DCP1B: variants seen among roughly 807,000 people sequenced by gnomAD.
DCP1B encodes the protein decapping mRNA 1B, also known as mRNA-decapping enzyme 1B.
In DCP1B, 47 loss-of-function variants were observed where a neutral mutation model predicts 60.5. That is an observed-to-expected ratio of 0.78 (90% confidence interval 0.61 to 0.99). The LOEUF is 0.99. Among genes scored for constraint, DCP1B ranks in the 50% least tolerant of loss-of-function variants. The pLI, the probability that DCP1B is intolerant of heterozygous loss-of-function variation, is 0.00. For missense variants in DCP1B, 725 were observed against 756.8 expected, an observed-to-expected ratio of 0.96 and a Z score of 0.49; for synonymous variants, 267 against 280.3, an observed-to-expected ratio of 0.95 and a Z score of 0.47.
intron 5 of DCP1B, among the ~76,000 whole-genome samples, chr12:1,958,825 A>G (rs1384819854): frequency 8.8e-5 from 7 of 79,934 alleles, no homozygotes; most frequent in Admixed American, 1.2e-4. Flanking sequence ...CCTGGAAGGA[A>G]ACAGGGGAAA....
In DCP1B at chr12:1,967,783, C is replaced by T. The variant is rs1042391167; in HGVS notation, c.386+61G>A. On this transcript the variant is annotated intron_variant, in intron 4 of 8. Coordinates refer to ENST00000280665, the MANE Select transcript of DCP1B (RefSeq NM_152640.5). ...GTTAAGACTGTAGTATAGTTACACA[C>T]ACTTAGAAATACAAACAAAAGCACC... 17 of 1,422,062 alleles carry T rather than the reference C, an allele frequency of 1.2e-5. No individual in the cohort carries two copies. The African/African-American group carries it at 1.6e-4, about 13-fold the overall frequency. 88.1% of individuals were successfully genotyped at this position (1,422,062 alleles called of 1,614,324 possible).
chr12:1,969,650 G>A (rs2031738727), intron 3 of DCP1B, among the ~76,000 whole-genome samples: 1 of 149,076 alleles, frequency 6.7e-6, no homozygotes, highest in Non-Finnish European at 1.5e-5. Context: ...CATTGAATGT[G>A]TATCTTGAAA....
chr12:1,971,228 A>C lies in DCP1B; in HGVS notation c.320-3318T>G. The stretch of plus-strand genomic sequence containing the variant: ...TAAGAAACCCTAAAGTGAAATAAAG[A>C]GTAGGAAGAACATGTTGAAATTTAC... On this transcript the variant is annotated intron_variant, in intron 3 of 8. Coordinates refer to ENST00000280665, the MANE Select transcript of DCP1B (RefSeq NM_152640.5). This position sits in a 1 kb window ranked among gnomAD's most constrained non-coding sequence, Gnocchi z 4.2. 2.4e-6 allele frequency: 3 copies of C among 1,242,764 alleles called. No homozygotes were observed. Among genetic ancestry groups the C allele is most frequent in the Non-Finnish European group, 3.2e-6 (3 of 947,502 alleles). The allele number at this position is 1,242,764 out of a possible 1,614,324, so 77.0% of individuals were successfully genotyped here. A position where few individuals can be genotyped will look rare whatever the true frequency, so the allele number is the denominator to read the frequency against.
chr12:1,944,184 T>C (rs141185280), downstream of DCP1B, among the ~76,000 whole-genome samples: 44 of 152,260 alleles, frequency 2.9e-4, no homozygotes, highest in East Asian at 6.8e-3. Context: ...CCATTCACAA[T>C]TGCTACAAAG....
In DCP1B at chr12:1,948,979, A is replaced by T; in HGVS notation, c.1773+107T>A. ...GGATGAGTTGTTACACACACCTGTT[A>T]TTCTCACGGAAGCTAAGCAGGCCTT... On this transcript the variant is annotated intron_variant, in intron 8 of 8. Coordinates refer to ENST00000280665, the MANE Select transcript of DCP1B (RefSeq NM_152640.5). This position sits in a 1 kb window ranked among gnomAD's most constrained non-coding sequence, Gnocchi z 4.8. 4 of 1,431,504 alleles carry T rather than the reference A, an allele frequency of 2.8e-6. No homozygotes were observed. Among genetic ancestry groups the T allele is most frequent in the Non-Finnish European group, 3.8e-6 (4 of 1,048,590 alleles). The allele number at this position is 1,431,504 out of a possible 1,614,324, so 88.7% of individuals were successfully genotyped here.
intron 1 of DCP1B, among the ~76,000 whole-genome samples, chr12:2,001,818 G>C (rs2042253703): frequency 6.6e-6 from 1 of 152,162 alleles, no homozygotes; most frequent in Non-Finnish European, 1.5e-5. Context: ...AGCATTCCCT[G>C]GCCTCTACTC....
intron 3 of DCP1B, among the ~76,000 whole-genome samples, chr12:1,975,506 C>T (rs11062037): frequency 0.12 from 17,514 of 151,880 alleles, 1,350 homozygotes; most frequent in Admixed American, 0.18. Context: ...GGTAGGGAAA[C>T]TAAAAGATGC....
chr12:1,960,302 A>G (rs1361690535), intron 5 of DCP1B, among the ~76,000 whole-genome samples: 1 of 152,246 alleles, frequency 6.6e-6, no homozygotes, highest in African/African-American at 2.4e-5. Context: ...AAAGGCAAGT[A>G]CTGCATGATT....
At chr12:1,966,469 A>G (rs1189058731) in intron 4 of DCP1B, among the ~76,000 whole-genome samples, 2 of 152,156 alleles carry the variant, frequency 1.3e-5, no homozygotes, top group African/African-American at 4.8e-5. Flanking sequence ...CATTCTTATT[A>G]TTGCCATGAA....
At chr12:1,998,052 A>C in intron 1 of DCP1B, 77 bp from the exon 2 acceptor site, 2 of 1,335,350 alleles carry the variant, frequency 1.5e-6, no homozygotes, top group Non-Finnish European at 2.1e-6. Context: ...ATTCTCATAG[A>C]ATAGGAATTA....
intron 3 of DCP1B, among the ~76,000 whole-genome samples, chr12:1,976,713 T>TA (rs2034476968): frequency 6.6e-6 from 1 of 152,096 alleles, no homozygotes; most frequent in South Asian, 2.1e-4. Context: ...AGGGGTTCAA[T>TA]AAAATCCCTA....
At chr12:1,968,718 T>G (rs578077894) in intron 3 of DCP1B, among the ~76,000 whole-genome samples, 1 of 152,364 alleles carries the variant, frequency 6.6e-6, no homozygotes, top group South Asian at 2.1e-4. Flanking sequence ...CTTTGTAAGC[T>G]GTAAGTTAGG....
chr12:1,968,244 C>T lies in DCP1B; in HGVS notation c.320-334G>A, dbSNP rs551535425. On this transcript the variant is annotated intron_variant, in intron 3 of 8. Coordinates refer to ENST00000280665, the MANE Select transcript of DCP1B (RefSeq NM_152640.5). The stretch of plus-strand genomic sequence containing the variant: ...GCGGGCGTCCATAATCCCAGCTACT[C>T]GGGATGCAGAGGCAGGAGAATCGCT... 4.9e-4 allele frequency among the ~76,000 whole-genome samples: 74 copies of T among 151,184 alleles called. 2 individuals carry two copies. The South Asian group carries it at 6.5e-3, about 13-fold the overall frequency.
chr12:1,999,804 G>C (rs2041772243), intron 1 of DCP1B, among the ~76,000 whole-genome samples: 1 of 152,068 alleles, frequency 6.6e-6, no homozygotes, highest in Non-Finnish European at 1.5e-5. Context: ...GGTAAGTCAG[G>C]GAGTTCATCC....
At chr12:1,982,053 A>T (rs2036302362) in intron 3 of DCP1B, among the ~76,000 whole-genome samples, 1 of 152,148 alleles carries the variant, frequency 6.6e-6, no homozygotes, top group African/African-American at 2.4e-5. Context: ...GGCATTTCAG[A>T]TTTTGAGAAG....
intron 4 of DCP1B, 69 bp downstream of exon 4, chr12:1,967,775 G>T: frequency 7.4e-7 from 1 of 1,347,544 alleles, no homozygotes. Context: ...CTGTAGTATA[G>T]TTACACACAC....
At chr12:1,983,347 A>ACTTT (rs1490650668) in intron 3 of DCP1B, among the ~76,000 whole-genome samples, 2 of 151,936 alleles carry the variant, frequency 1.3e-5, no homozygotes, top group African/African-American at 4.8e-5. Flanking sequence ...TGACTTAAGA[A>ACTTT]CTTTCTTCTT....
intron 5 of DCP1B, 46 bp from the exon 6 acceptor site, chr12:1,955,606 T>C: frequency 6.4e-7 from 1 of 1,570,414 alleles, no homozygotes; most frequent in South Asian, 1.2e-5. Context: ...TAGAAAAGCT[T>C]TAGTCTTTTT....
chr12:1,965,658 C>G lies in DCP1B; in HGVS notation c.422G>C (p.Gly141Ala), dbSNP rs539950914. 1.1e-4 allele frequency: 182 copies of G among 1,613,912 alleles called. 5 individuals are homozygous for G. The South Asian group carries it at 1.8e-3, about 16-fold the overall frequency. ...CACTGGGGAAATTCCTGCTCCAGTT[C>G]CCTGATGGGCTTTCAACTGTTCATA... is the stretch of plus-strand genomic sequence containing the variant. Reference protein sequence around the residue: ...TQYEQLKAHQGTGAGISPVIL... With the variant: ...TQYEQLKAHQATGAGISPVIL... Residue 141 changes from glycine (G) to alanine (A), a missense_variant, in exon 5 of 9, where the codon GGA becomes GCA. By Grantham distance (60) the Gly-to-Ala change is moderately conservative. Transcript: ENST00000280665.
Sources: gnomAD v4.1 joint callset for allele counts (sites outside exome capture counted in the v4.1 genomes callset) on GRCh38, gnomAD v4.1.1 for gene constraint, Gnocchi (gnomAD v3.1) non-coding constraint, MANE v1.5 for transcripts, NCBI Gene and HGNC (gene_info 2026-07-23, HGNC 2026-07-21) for gene names.